CYP2J2: variants seen among roughly 807,000 people sequenced by gnomAD.
CYP2J2 encodes the protein cytochrome P450 family 2 subfamily J member 2, also known as cytochrome P450 2J2.
CYP2J2 carries 41 observed loss-of-function variants against 48.8 expected under a neutral mutation model. The observed-to-expected ratio is 0.84, with a 90% CI of 0.66 to 1.09. The LOEUF (loss-of-function observed/expected upper bound fraction) is 1.09, where lower values mean the gene tolerates loss of function less well. Ranked by LOEUF, CYP2J2 falls within the 50% of genes least tolerant of loss-of-function variation. CYP2J2 has a pLI of 0.00. For missense variants in CYP2J2, 644 were observed against 617.3 expected (o/e 1.04, Z -0.46); for synonymous variants, 221 against 227.1 (o/e 0.97, Z 0.24).
At chr1:59,901,630 C>G (rs1459899673) in intron 7 of CYP2J2, among the ~76,000 whole-genome samples, 1 of 152,212 alleles carries the variant, frequency 6.6e-6, no homozygotes, top group East Asian at 1.9e-4. Flanking sequence ...CAAGGAGCCC[C>G]TGTCCATCCA....
At chr1:59,952,703 T>C in the CYP2J2 span, among the ~76,000 whole-genome samples, 1 of 152,132 alleles carries the variant, frequency 6.6e-6, no homozygotes, top group South Asian at 2.1e-4. Context: ...CATCAATGTA[T>C]AGCAAATATA....
chr1:59,955,006 C>T, the CYP2J2 span, among the ~76,000 whole-genome samples: 2 of 151,692 alleles, frequency 1.3e-5, no homozygotes, highest in African/African-American at 4.8e-5. Context: ...GGTGTGGTGA[C>T]ATGCACCTGT....
At chr1:59,906,547 G>C (rs1644366948) in intron 6 of CYP2J2, among the ~76,000 whole-genome samples, 1 of 151,860 alleles carries the variant, frequency 6.6e-6, no homozygotes, top group Non-Finnish European at 1.5e-5. Context: ...TACTATGTTA[G>C]CATTTTTAAA....
chr1:59,930,848 A>T (rs985437704), upstream of CYP2J2, among the ~76,000 whole-genome samples: 6 of 152,182 alleles, frequency 3.9e-5, no homozygotes, highest in African/African-American at 1.4e-4. Context: ...TTGAAAGAAA[A>T]TGACCCTAGG....
At position 59,893,737 on chromosome 1, in the gene CYP2J2, T is replaced by C. The variant is rs1405383412; in HGVS notation, c.1423A>G (p.Asn475Asp). ...LMQKFTFRPPNNEKLSLKFRM... is the reference protein window; with the variant it reads ...LMQKFTFRPPDNEKLSLKFRM... ...AACTTCAGGCTCAGCTTCTCATTGT[T>C]TGGGGGCCTGAAGGTAAATTTTTGC... The change falls in exon 9 of 9, where the codon AAC becomes GAC. Residue 475 changes from asparagine to aspartate, a missense_variant. By Grantham distance (23) the Asn-to-Asp change is conservative (BLOSUM62 1). Coordinates refer to ENST00000371204, the MANE Select transcript of CYP2J2 (RefSeq NM_000775.4). 6.2e-7 allele frequency: 1 copy of C among 1,613,426 alleles called. No individual in the cohort carries two copies. Among genetic ancestry groups the C allele is most frequent in the African/African-American group, 1.3e-5 (1 of 75,050 alleles).
chr1:59,899,017 G>A (rs190531593), intron 8 of CYP2J2, among the ~76,000 whole-genome samples: 1 of 152,258 alleles, frequency 6.6e-6, no homozygotes, highest in Non-Finnish European at 1.5e-5. Flanking sequence ...GTGAAGAAAA[G>A]GTATCCAGGC....
chr1:59,894,874 G>A (rs1311040218), intron 8 of CYP2J2, among the ~76,000 whole-genome samples: 1 of 152,148 alleles, frequency 6.6e-6, no homozygotes, highest in African/African-American at 2.4e-5. Context: ...TTGGGTGGTA[G>A]CATTACTCAA....
intron 8 of CYP2J2, among the ~76,000 whole-genome samples, chr1:59,894,345 C>T (rs1256843123): frequency 6.6e-6 from 1 of 152,170 alleles, no homozygotes; most frequent in Non-Finnish European, 1.5e-5. Flanking sequence ...ATGGGTGGCC[C>T]TCTGTATTGC....
chr1:59,922,109 T>C (rs888541243), intron 1 of CYP2J2, among the ~76,000 whole-genome samples: 1 of 152,218 alleles, frequency 6.6e-6, no homozygotes. Context: ...GTGTATCTTT[T>C]ATTTCTCGAC....
chr1:59,926,937 C>G (rs1031829151), upstream of CYP2J2: 4 of 608,692 alleles, frequency 6.6e-6, no homozygotes, highest in Non-Finnish European at 8.7e-6. Context: ...AGGCTAGGAG[C>G]AGTTTCTTTT....
chr1:59,911,830 G>C, intron 3 of CYP2J2, 62 bp from the exon 4 acceptor site: 1 of 1,529,774 alleles, frequency 6.5e-7, no homozygotes, highest in Non-Finnish European at 9.0e-7. Flanking sequence ...TTCCTACTGA[G>C]AGTCTACTTT....
At chr1:59,950,018 T>C in the CYP2J2 span, among the ~76,000 whole-genome samples, 2 of 152,186 alleles carry the variant, frequency 1.3e-5, no homozygotes, top group African/African-American at 4.8e-5. Context: ...GGAAGAAGCA[T>C]AGTCCAATTC....
the CYP2J2 span, among the ~76,000 whole-genome samples, chr1:59,934,793 A>T: frequency 6.6e-6 from 1 of 151,550 alleles, no homozygotes; most frequent in Non-Finnish European, 1.5e-5. Context: ...TGAAATATGG[A>T]GTTTCTTTTA....
At chr1:59,960,905 G>T in the CYP2J2 span, among the ~76,000 whole-genome samples, 1 of 151,972 alleles carries the variant, frequency 6.6e-6, no homozygotes, top group Non-Finnish European at 1.5e-5. Context: ...GGGAAGAACA[G>T]GTTTTTCAAC....
At chr1:59,894,509 G>T (rs920016451) in intron 8 of CYP2J2, among the ~76,000 whole-genome samples, 6 of 152,164 alleles carry the variant, frequency 3.9e-5, no homozygotes, top group Non-Finnish European at 7.3e-5. Flanking sequence ...TCCCTGTTAT[G>T]TGTGGGTGAA....
the CYP2J2 span, among the ~76,000 whole-genome samples, chr1:59,958,242 T>C: frequency 6.6e-6 from 1 of 152,172 alleles, no homozygotes; most frequent in Non-Finnish European, 1.5e-5. Context: ...TGTATCCCTA[T>C]ACATTCTGTA....
At chr1:59,929,899 T>C (rs1403027512), upstream of CYP2J2, among the ~76,000 whole-genome samples, 3 of 152,186 alleles carry the variant, frequency 2.0e-5, no homozygotes, top group Non-Finnish European at 2.9e-5. Flanking sequence ...CATTAATCCA[T>C]GTATCCAAAA....
rs1441313252 is a variant in CYP2J2 at position 59,901,112 on chromosome 1, A to G, written c.1192-9T>C. 1 of 1,611,354 alleles carries G rather than the reference A, an allele frequency of 6.2e-7. No homozygotes were observed. Among genetic ancestry groups the G allele is most frequent in the East Asian group, 2.2e-5 (1 of 44,754 alleles). On this transcript the variant is annotated splice_polypyrimidine_tract_variant and intron_variant, in intron 7 of 8. Transcript: ENST00000371204. ...GTCAGGATCATGGTACCCTAGAGAA[A>G]GCAGCAGAGACTCAGGCAAGGCTTG...
the CYP2J2 span, among the ~76,000 whole-genome samples, chr1:59,946,187 G>A: frequency 6.6e-6 from 1 of 152,156 alleles, no homozygotes; most frequent in East Asian, 1.9e-4. Flanking sequence ...TGATCTCTCT[G>A]ACTTGATCTA....
Sources: allele counts gnomAD v4.1 joint callset (sites outside exome capture counted in the v4.1 genomes callset), GRCh38; gene constraint gnomAD v4.1.1; transcripts MANE v1.5; gene names NCBI Gene and HGNC (gene_info 2026-07-23, HGNC 2026-07-21).